PCDH11X: variants seen among roughly 807,000 people sequenced by gnomAD.
The protein encoded by PCDH11X is protocadherin 11 X-linked, also known as protocadherin-11 X-linked.
A neutral mutation model predicts 53.3 loss-of-function variants in PCDH11X; 18 were observed. The ratio of observed to expected loss-of-function variants is 0.34; its 90% CI spans 0.23 to 0.50. PCDH11X has a LOEUF of 0.50. Among genes scored for constraint, PCDH11X ranks in the 20% least tolerant of loss-of-function variants. The pLI, the probability that PCDH11X is intolerant of heterozygous loss-of-function variation, is 0.98. For synonymous variants in PCDH11X, 279 were observed against 393.3 expected (o/e 0.71, Z 3.44); for missense variants, 570 against 1,032.4 (o/e 0.55, Z 6.14).
chrX:91,807,090 A>C lies in PCDH11X; in HGVS notation c.-378-2376A>C, dbSNP rs1310114833. On this transcript the variant is annotated intron_variant, in intron 1 of 10. Transcript: ENST00000682573. Reference sequence around the variant, plus strand: ...ACAGTGGCTGAAAGCCCATAATTCCAGTGTTTTGGGAGGCCAAAATGGGAG... The same window carrying C: ...ACAGTGGCTGAAAGCCCATAATTCCCGTGTTTTGGGAGGCCAAAATGGGAG... 2.9e-5 allele frequency among the ~76,000 whole-genome samples: 3 copies of C among 105,060 alleles called. No individual in the cohort carries two copies. In the East Asian group the frequency reaches 9.2e-4, roughly 32 times the overall value. The allele number at this position is 105,060 out of a possible 115,157, so 91.2% of individuals were successfully genotyped here.
intron 10 of PCDH11X, among the ~76,000 whole-genome samples, chrX:92,487,842 T>C (rs752334597): frequency 9.0e-6 from 1 of 111,502 alleles, no homozygotes; most frequent in Admixed American, 9.5e-5. Context: ...ACTAATAATG[T>C]GTACACACCA....
chrX:92,121,039 CAAACAT>C (rs1343776476), intron 6 of PCDH11X, among the ~76,000 whole-genome samples: 1 of 77,629 alleles, frequency 1.3e-5, no homozygotes, highest in Non-Finnish European at 2.6e-5. Context: ...CTGAGATAAA[CAAACAT>C]ATCTATTATT....
intron 7 of PCDH11X, among the ~76,000 whole-genome samples, chrX:92,234,689 T>C (rs2067139881): frequency 1.8e-5 from 2 of 111,554 alleles, no homozygotes; most frequent in South Asian, 3.7e-4. Flanking sequence ...AAGGGTTTTA[T>C]ACTCATACCT....
At chrX:92,291,290 C>T (rs2068488182) in intron 8 of PCDH11X, among the ~76,000 whole-genome samples, 1 of 81,545 alleles carries the variant, frequency 1.2e-5, no homozygotes, top group South Asian at 7.4e-4. Flanking sequence ...ACTATAAAGT[C>T]TATGTGTGTT....
At chrX:92,199,932 G>A (rs2066360790) in intron 6 of PCDH11X, among the ~76,000 whole-genome samples, 1 of 110,785 alleles carries the variant, frequency 9.0e-6, no homozygotes, top group Admixed American at 9.7e-5. Context: ...GGGCAGCCCA[G>A]CAGACGTTGA....
intron 10 of PCDH11X, among the ~76,000 whole-genome samples, chrX:92,575,016 A>G (rs1922656918): frequency 9.0e-6 from 1 of 110,974 alleles, no homozygotes; most frequent in South Asian, 3.8e-4. Flanking sequence ...GGTATTTTAG[A>G]TAAGTTAAAT....
intron 10 of PCDH11X, among the ~76,000 whole-genome samples, chrX:92,488,196 A>G (rs1239358219): frequency 9.1e-6 from 1 of 109,870 alleles, no homozygotes; most frequent in Admixed American, 9.8e-5. Context: ...GCGCATCATC[A>G]GATTATAAGA....
intron 8 of PCDH11X, among the ~76,000 whole-genome samples, chrX:92,263,607 C>T (rs1276094609): frequency 9.0e-6 from 1 of 111,478 alleles, no homozygotes; most frequent in East Asian, 2.8e-4. Flanking sequence ...CTCAGAGAAA[C>T]TGGGTTTTGG....
At chrX:92,003,072 C>G (rs1413159157) in intron 6 of PCDH11X, among the ~76,000 whole-genome samples, 3 of 103,314 alleles carry the variant, frequency 2.9e-5, no homozygotes, top group Non-Finnish European at 2.0e-5. Context: ...CCGTCTATTC[C>G]CAGGTTTTTT....
At chrX:92,348,358 C>G (rs1418896583) in intron 8 of PCDH11X, among the ~76,000 whole-genome samples, 2 of 110,149 alleles carry the variant, frequency 1.8e-5, no homozygotes, top group Admixed American at 2.0e-4. Flanking sequence ...GAGTAGGATT[C>G]TAATCCTGGT....
intron 10 of PCDH11X, among the ~76,000 whole-genome samples, chrX:92,472,205 A>T (rs909844120): frequency 2.7e-5 from 3 of 110,054 alleles, no homozygotes; most frequent in African/African-American, 9.9e-5. Flanking sequence ...GATACTGCCT[A>T]GGTTATCTTC....
At chrX:92,256,443 C>T (rs746420483) in intron 7 of PCDH11X, among the ~76,000 whole-genome samples, 1 of 111,848 alleles carries the variant, frequency 8.9e-6, no homozygotes, top group African/African-American at 3.2e-5. Context: ...GGAGCTGTTC[C>T]TATTCGGCCA....
intron 8 of PCDH11X, among the ~76,000 whole-genome samples, chrX:92,337,615 C>A (rs1316207601): frequency 1.8e-5 from 2 of 109,770 alleles, no homozygotes; most frequent in Non-Finnish European, 3.8e-5. Flanking sequence ...GCAACATGAA[C>A]AAACTGTGTA....
chrX:92,109,224 A>G (rs763163839), intron 6 of PCDH11X, among the ~76,000 whole-genome samples: 2 of 111,116 alleles, frequency 1.8e-5, no homozygotes, highest in South Asian at 7.7e-4. Flanking sequence ...TGCAAAAATT[A>G]GCTGGGCGTG....
chrX:92,163,644 C>T (rs753046677), intron 6 of PCDH11X, among the ~76,000 whole-genome samples: 1 of 111,855 alleles, frequency 8.9e-6, no homozygotes, highest in South Asian at 3.8e-4. Context: ...GGCAGACAGT[C>T]CCCCTTTCCC....
At chrX:92,210,894 T>C (rs1183904541) in intron 7 of PCDH11X, among the ~76,000 whole-genome samples, 1 of 111,805 alleles carries the variant, frequency 8.9e-6, no homozygotes, top group Non-Finnish European at 1.9e-5. Context: ...GACTTCATTG[T>C]TCATATAACT....
chrX:92,138,603 A>T (rs1282518085), intron 6 of PCDH11X, among the ~76,000 whole-genome samples: 2 of 110,949 alleles, frequency 1.8e-5, no homozygotes, highest in Admixed American at 9.7e-5. Flanking sequence ...GAATATTGTA[A>T]TAGCCTAGGG....
intron 10 of PCDH11X, among the ~76,000 whole-genome samples, chrX:92,548,463 A>T (rs1269916133): frequency 8.9e-6 from 1 of 111,774 alleles, no homozygotes; most frequent in Admixed American, 9.5e-5. Context: ...GAGCCATCGC[A>T]CGCAGCCCCT....
intron 6 of PCDH11X, among the ~76,000 whole-genome samples, chrX:92,138,489 TTAAATA>T (rs1448873322): frequency 7.2e-5 from 8 of 110,484 alleles, no homozygotes; most frequent in Non-Finnish European, 1.3e-4. Flanking sequence ...TACTTTAAAA[TTAAATA>T]TAAACATAAA....
Sources: gnomAD v4.1 joint callset for allele counts (sites outside exome capture counted in the v4.1 genomes callset) on GRCh38, gnomAD v4.1.1 for gene constraint, MANE v1.5 for transcripts, NCBI Gene and HGNC (gene_info 2026-07-23, HGNC 2026-07-21) for gene names.